The following NGEF variants were observed in gnomAD, a reference collection of about 807,000 sequenced individuals.
NGEF encodes the protein neuronal guanine nucleotide exchange factor, also known as ephexin-1.
Under a neutral mutation model 80.9 loss-of-function variants are expected in NGEF, and 31 were observed. That is an observed-to-expected ratio of 0.38 (90% CI 0.29 to 0.52). The LOEUF (loss-of-function observed/expected upper bound fraction) is 0.52. Among genes scored for constraint, NGEF ranks in the 20% least tolerant of loss-of-function variants. The probability of loss-of-function intolerance (pLI) is 0.84; values close to 1 mark genes in which losing one functional copy is unlikely to be tolerated. For missense variants in NGEF, 709 were observed against 926.2 expected, an observed-to-expected ratio of 0.77 and a Z score of 3.04; for synonymous variants, 371 against 370.2, an observed-to-expected ratio of 1.00 and a Z score of -0.03.
chr2:233,011,423 T>C (rs745818931), intron 1 of NGEF, among the ~76,000 whole-genome samples: 9 of 152,052 alleles, frequency 5.9e-5, no homozygotes, highest in Non-Finnish European at 1.3e-4. Context: ...ACCAGCTTCT[T>C]GGGACAAACA....
Position 232,883,079 on chromosome 2 carries a change from ACACG to A in NGEF, c.1757+228_1757+231del, listed in dbSNP as rs1184141170. On this transcript the variant is annotated intron_variant, in intron 12 of 14. Transcript: ENST00000264051. Reference sequence around the variant, plus strand: ...CACACACACACACACACACACACACACACGCACACACGCACACACGTACACGCGT... The same window carrying A: ...CACACACACACACACACACACACACACACACACGCACACACGTACACGCGT... Among the ~76,000 whole-genome samples, 105 of 144,738 alleles carry A rather than the reference ACACG, an allele frequency of 7.3e-4. 1 individual carries two copies. The East Asian group carries it at 0.015, about 21-fold the overall frequency. The allele number at this position is 144,738 out of a possible 152,430, so 95.0% of individuals were successfully genotyped here.
intron 3 of NGEF, among the ~76,000 whole-genome samples, chr2:232,932,163 CTTTT>C (rs397988249): frequency 1.7e-4 from 20 of 115,582 alleles, no homozygotes; most frequent in African/African-American, 6.3e-4. Context: ...AATCACCTTT[CTTTT>C]TTTTTTTTTT....
chr2:233,012,075 AAG>A (rs145842578), intron 1 of NGEF, among the ~76,000 whole-genome samples: 21 of 150,456 alleles, frequency 1.4e-4, no homozygotes, highest in East Asian at 1.9e-4. Context: ...TAAATGGAAA[AAG>A]AGAGAGAGAG....
In NGEF at chr2:233,013,170, C is replaced by G; in HGVS notation, c.-177G>C. The G allele has an allele frequency of 2.1e-6, 1 of 471,286 alleles. No homozygotes were observed. Among genetic ancestry groups the G allele is most frequent in the Non-Finnish European group, 4.4e-6 (1 of 227,086 alleles). The allele number at this position is 471,286 out of a possible 1,614,324, so 29.2% of individuals were successfully genotyped here. On this transcript the variant is annotated 5_prime_UTR_variant, in exon 1 of 15. Coordinates refer to ENST00000264051, the MANE Select transcript of NGEF (RefSeq NM_019850.3). The stretch of plus-strand genomic sequence containing the variant: ...TGCGAGCAGGATGGTGTGTCCCCGG[C>G]TAAATCCACAGGCGCTCCACTCTGT...
intron 3 of NGEF, 147 bp downstream of exon 3, chr2:232,970,067 A>C: frequency 2.4e-6 from 1 of 417,764 alleles, no homozygotes; most frequent in East Asian, 4.0e-5. Flanking sequence ...TGGAGTTTTT[A>C]TTTATTTATT....
chr2:232,972,139 G>A (rs939930525), intron 2 of NGEF, among the ~76,000 whole-genome samples: 34 of 151,964 alleles, frequency 2.2e-4, no homozygotes, highest in Non-Finnish European at 2.4e-4. Flanking sequence ...GATCAATTTG[G>A]GTATGTAAAT....
chr2:232,938,347 A>G (rs535353774), intron 3 of NGEF, among the ~76,000 whole-genome samples: 17 of 152,320 alleles, frequency 1.1e-4, no homozygotes, highest in African/African-American at 4.1e-4. Flanking sequence ...AGACTATCGC[A>G]TAGCCTTCAT....
chr2:232,995,576 A>ATATACAGTATGTATAC (rs1553560085), intron 1 of NGEF, among the ~76,000 whole-genome samples: 1 of 100,712 alleles, frequency 9.9e-6, no homozygotes, highest in African/African-American at 1.0e-4. Flanking sequence ...TACTGTATAT[A>ATATACAGTATGTATAC]TATATACAGT....
In NGEF at chr2:232,980,504, TTTTC is replaced by T. The variant is rs761998981; in HGVS notation, c.-74-5544_-74-5541del. On this transcript the variant is annotated intron_variant, in intron 1 of 14. Coordinates refer to ENST00000264051, the MANE Select transcript of NGEF (RefSeq NM_019850.3). ...GGGCTGAGACTGCATTTCTTTTTTC[TTTTC>T]TTTTTTTTTTGACAGAGTCTTGCTC... Among the ~76,000 whole-genome samples, 25 of 152,170 alleles carry T rather than the reference TTTTC, an allele frequency of 1.6e-4. No homozygotes were observed. The East Asian group carries it at 4.1e-3, about 25-fold the overall frequency.
intron 5 of NGEF, among the ~76,000 whole-genome samples, chr2:232,899,231 A>C (rs1304677840): frequency 6.6e-6 from 1 of 151,724 alleles, no homozygotes; most frequent in Non-Finnish European, 1.5e-5. Flanking sequence ...GAATGTGTGC[A>C]TATGAGGGGG....
At chr2:232,914,187 C>T (rs1031887739) in intron 5 of NGEF, among the ~76,000 whole-genome samples, 2 of 152,242 alleles carry the variant, frequency 1.3e-5, no homozygotes, top group African/African-American at 4.8e-5. Context: ...TTCTGACAGA[C>T]AGTATGGTCT....
chr2:232,912,729 G>A (rs1179726961), intron 5 of NGEF, among the ~76,000 whole-genome samples: 1 of 152,098 alleles, frequency 6.6e-6, no homozygotes, highest in Non-Finnish European at 1.5e-5. Flanking sequence ...CATTTGGGGT[G>A]AGTTTTGGTA....
chr2:232,953,918 T>C (rs1025804258), intron 3 of NGEF, among the ~76,000 whole-genome samples: 1 of 152,172 alleles, frequency 6.6e-6, no homozygotes, highest in African/African-American at 2.4e-5. Flanking sequence ...AGGTGATTGA[T>C]AAGTATTTGT....
chr2:232,881,078 C>T, intron 14 of NGEF, 68 bp downstream of exon 14: 1 of 1,270,360 alleles, frequency 7.9e-7, no homozygotes, highest in Non-Finnish European at 1.1e-6. Flanking sequence ...TCTGCTTCTC[C>T]CCCTCCCCGT....
chr2:233,002,580 C>T lies in NGEF; in HGVS notation c.-75+10488G>A, dbSNP rs571412278. 2.3e-4 allele frequency among the ~76,000 whole-genome samples: 35 copies of T among 152,138 alleles called. 1 individual carries two copies. Among genetic ancestry groups the T allele is most frequent in the African/African-American group, 7.7e-4 (32 of 41,514 alleles). On this transcript the variant is annotated intron_variant, in intron 1 of 14. Coordinates refer to ENST00000264051, the MANE Select transcript of NGEF (RefSeq NM_019850.3). Reference sequence around the variant, plus strand: ...TAGTCCCAGCTACTTGGAAGGCTGACGTGGGAGAATTCCTGGAGCCCAGGA... The same window carrying T: ...TAGTCCCAGCTACTTGGAAGGCTGATGTGGGAGAATTCCTGGAGCCCAGGA...
intron 1 of NGEF, among the ~76,000 whole-genome samples, chr2:232,990,463 G>T (rs1019296177): frequency 6.6e-6 from 1 of 152,014 alleles, no homozygotes; most frequent in Non-Finnish European, 1.5e-5. Flanking sequence ...AATATTTATA[G>T]TTTTAGTGCC....
intron 1 of NGEF, among the ~76,000 whole-genome samples, chr2:233,008,372 T>A (rs780804771): frequency 6.6e-6 from 1 of 152,196 alleles, no homozygotes; most frequent in Non-Finnish European, 1.5e-5. Flanking sequence ...ATCCAGCAAT[T>A]GCTTGTTGAT....
At chr2:232,968,468 T>C (rs12473336) in intron 3 of NGEF, among the ~76,000 whole-genome samples, 96,473 of 151,208 alleles carry the variant, frequency 0.64, 31,946 homozygotes, top group East Asian at 0.84. Context: ...GGCAATGGCA[T>C]GATCTTGGCT....
chr2:232,991,250 A>G (rs1330512997), intron 1 of NGEF, among the ~76,000 whole-genome samples: 2 of 152,116 alleles, frequency 1.3e-5, no homozygotes, highest in East Asian at 3.8e-4. Context: ...CCAAGAGAAA[A>G]AAATGTCATT....
Sources: allele counts gnomAD v4.1 joint callset (sites outside exome capture counted in the v4.1 genomes callset), GRCh38; gene constraint gnomAD v4.1.1; transcripts MANE v1.5; gene names NCBI Gene and HGNC (gene_info 2026-07-23, HGNC 2026-07-21).